The following HSDL2 variants were observed in gnomAD, a reference collection of about 807,000 sequenced individuals.
HSDL2 encodes the protein hydroxysteroid dehydrogenase like 2.
In HSDL2, 27 loss-of-function variants were observed where a neutral mutation model predicts 46.3. The ratio of observed to expected loss-of-function variants is 0.58; its 90% CI spans 0.43 to 0.80. The LOEUF (loss-of-function observed/expected upper bound fraction) is 0.80, where lower values mean the gene tolerates loss of function less well. Among genes scored for constraint, HSDL2 ranks in the 30% least tolerant of loss-of-function variants. The pLI, the probability that HSDL2 is intolerant of heterozygous loss-of-function variation, is 0.00. For missense variants in HSDL2, 451 were observed against 502.7 expected, an observed-to-expected ratio of 0.90 and a Z score of 0.98; for synonymous variants, 153 against 163.6, an observed-to-expected ratio of 0.94 and a Z score of 0.50.
chr9:112,434,516 G>A (rs973558453), intron 6 of HSDL2, among the ~76,000 whole-genome samples: 5 of 152,166 alleles, frequency 3.3e-5, no homozygotes, highest in East Asian at 1.9e-4. Context: ...CTTTATATTT[G>A]TACATCTCTG....
intron 6 of HSDL2, among the ~76,000 whole-genome samples, chr9:112,437,658 GT>G (rs1488239064): frequency 6.6e-6 from 1 of 152,092 alleles, no homozygotes; most frequent in Non-Finnish European, 1.5e-5. Flanking sequence ...CAATGCTGAT[GT>G]TTTAAGCCTC....
chr9:112,444,274 G>A, intron 8 of HSDL2, among the ~76,000 whole-genome samples: 1 of 152,184 alleles, frequency 6.6e-6, no homozygotes, highest in Non-Finnish European at 1.5e-5. Flanking sequence ...TGTTTCCAAA[G>A]GGGGAGAGGT....
intron 1 of HSDL2, among the ~76,000 whole-genome samples, chr9:112,385,907 T>C (rs1004908082): frequency 6.6e-6 from 1 of 152,102 alleles, no homozygotes; most frequent in African/African-American, 2.4e-5. Context: ...ATTACAGGTG[T>C]TAGGCACCAT....
chr9:112,445,929 G>T (rs1263923825), intron 8 of HSDL2, among the ~76,000 whole-genome samples: 1 of 152,158 alleles, frequency 6.6e-6, no homozygotes, highest in Non-Finnish European at 1.5e-5. Flanking sequence ...TTCCTTAGCA[G>T]CATCCTCTAC....
intron 10 of HSDL2, among the ~76,000 whole-genome samples, chr9:112,469,111 G>C (rs1833487430): frequency 6.6e-6 from 1 of 152,044 alleles, no homozygotes; most frequent in Admixed American, 6.6e-5. Flanking sequence ...CTTAAAGTAG[G>C]ACACAGCTCA....
At chr9:112,427,636 A>C (rs1445699133) in intron 6 of HSDL2, among the ~76,000 whole-genome samples, 4 of 152,224 alleles carry the variant, frequency 2.6e-5, no homozygotes, top group African/African-American at 9.6e-5. Flanking sequence ...TAAAGCAGTT[A>C]CACTCATTTT....
intron 8 of HSDL2, among the ~76,000 whole-genome samples, chr9:112,452,279 C>T (rs1156701052): frequency 6.6e-6 from 1 of 152,008 alleles, no homozygotes; most frequent in Non-Finnish European, 1.5e-5. Flanking sequence ...ATGTAATAAC[C>T]TTTGAGGAAT....
intron 6 of HSDL2, among the ~76,000 whole-genome samples, chr9:112,428,473 C>T (rs762655312): frequency 4.4e-4 from 67 of 152,192 alleles, no homozygotes; most frequent in Non-Finnish European, 8.5e-4. Context: ...CAATATTTCT[C>T]AAACTATATG....
chr9:112,459,639 G>A, intron 10 of HSDL2, 62 bp downstream of exon 10: 1 of 1,404,006 alleles, frequency 7.1e-7, no homozygotes. Flanking sequence ...CTGACATTTT[G>A]CTTTATCCCT....
chr9:112,413,294 C>T (rs1246711541), intron 4 of HSDL2, among the ~76,000 whole-genome samples: 6 of 151,670 alleles, frequency 4.0e-5, no homozygotes, highest in Non-Finnish European at 1.5e-5. Flanking sequence ...GCCCGACGAA[C>T]ATGGAGAAAC....
chr9:112,449,654 C>T (rs115892529), intron 8 of HSDL2, among the ~76,000 whole-genome samples: 5,253 of 151,854 alleles, frequency 0.035, 292 homozygotes, highest in African/African-American at 0.12. Context: ...GTCTGAGCTC[C>T]GGTGTTCAAG....
In HSDL2 at chr9:112,447,969, T is replaced by C. The variant is rs527550788; in HGVS notation, c.866-6044T>C. On this transcript the variant is annotated intron_variant, in intron 8 of 10. Coordinates refer to ENST00000398805, the MANE Select transcript of HSDL2 (RefSeq NM_032303.5). ...GTTTTTGAGAGAGCGTGAGTACTCA[T>C]TGAAAGCATAGACTTTGGAGTAAGA... 1.4e-3 allele frequency among the ~76,000 whole-genome samples: 212 copies of C among 152,312 alleles called. 1 individual carries two copies. Among genetic ancestry groups the C allele is most frequent in the African/African-American group, 4.7e-3 (196 of 41,572 alleles).
At chr9:112,445,832 A>AT (rs71862393) in intron 8 of HSDL2, among the ~76,000 whole-genome samples, 77,508 of 151,196 alleles carry the variant, frequency 0.51, 19,898 homozygotes, top group South Asian at 0.59. Flanking sequence ...CCAAAGCTTT[A>AT]TTTTTTTTTA....
At chr9:112,386,743 A>G (rs1022157091) in intron 1 of HSDL2, among the ~76,000 whole-genome samples, 1 of 152,246 alleles carries the variant, frequency 6.6e-6, no homozygotes, top group African/African-American at 2.4e-5. Flanking sequence ...TGATTGTGCC[A>G]TTGCACACCA....
chr9:112,445,339 T>C (rs929482791), intron 8 of HSDL2, among the ~76,000 whole-genome samples: 6 of 152,160 alleles, frequency 3.9e-5, no homozygotes, highest in Non-Finnish European at 1.5e-5. Flanking sequence ...CCTTGTTAAG[T>C]TTGTCCTCTG....
rs1833137817 is a variant in HSDL2 at position 112,459,463 on chromosome 9, A to T, written c.1030A>T (p.Thr344Ser). The T allele has an allele frequency of 1.2e-6, 2 of 1,613,974 alleles. No homozygotes were observed. Among genetic ancestry groups the T allele is most frequent in the South Asian group, 1.1e-5 (1 of 91,082 alleles). ...TATCTCTCTAGGTGAAGATGGTGGC[A>T]CGTGGTTTCTTGATCTGAAAAGCAA... The part of the protein sequence containing the change: ...LFELSGEDGG[T>S]WFLDLKSKGG... The change falls in exon 10 of 11, where the codon ACG becomes TCG. Residue 344 changes from threonine (T) to serine (S), a missense_variant. Physicochemically the swap from Thr to Ser is moderately conservative, Grantham distance 58 (BLOSUM62 1). Transcript: ENST00000398805.
chr9:112,468,397 C>T (rs1389682682), intron 10 of HSDL2, among the ~76,000 whole-genome samples: 1 of 152,160 alleles, frequency 6.6e-6, no homozygotes, highest in African/African-American at 2.4e-5. Context: ...TTGTATAATT[C>T]TTTTCACCTT....
intron 1 of HSDL2, among the ~76,000 whole-genome samples, chr9:112,381,841 G>T (rs1831105349): frequency 6.6e-6 from 1 of 152,036 alleles, no homozygotes; most frequent in African/African-American, 2.4e-5. Context: ...CCAGTTTTTT[G>T]GATACTCTTT....
intron 10 of HSDL2, among the ~76,000 whole-genome samples, chr9:112,465,139 T>G (rs78201679): frequency 2.0e-5 from 3 of 152,220 alleles, no homozygotes; most frequent in African/African-American, 7.2e-5. Flanking sequence ...ATTTTATTTT[T>G]ATTTTTTGAG....
Sources: gnomAD v4.1 joint callset for allele counts (sites outside exome capture counted in the v4.1 genomes callset) on GRCh38, gnomAD v4.1.1 for gene constraint, MANE v1.5 for transcripts, NCBI Gene and HGNC (gene_info 2026-07-23, HGNC 2026-07-21) for gene names.